The following RBFOX1 variants were observed in gnomAD, a reference collection of about 807,000 sequenced individuals.
RBFOX1 encodes RNA binding fox-1 homolog 1, also known as RNA binding protein fox-1 homolog 1.
A neutral mutation model predicts 57.7 loss-of-function variants in RBFOX1; 8 were observed. That is an observed-to-expected ratio of 0.14 (90% CI 0.08 to 0.25). The LOEUF (loss-of-function observed/expected upper bound fraction) is 0.25. Ranked by LOEUF, RBFOX1 falls within the 10% of genes least tolerant of loss-of-function variation. The pLI, the probability that RBFOX1 is intolerant of heterozygous loss-of-function variation, is 1.00. For synonymous variants in RBFOX1, 326 were observed against 222.4 expected (o/e 1.47, Z -4.15); for missense variants, 611 against 548.5 (o/e 1.11, Z -1.14).
intron 3 of RBFOX1, among the ~76,000 whole-genome samples, chr16:5,702,280 G>C (rs560524288): frequency 1.0e-3 from 153 of 152,258 alleles, no homozygotes; most frequent in Admixed American, 2.1e-3. Context: ...TTCACATGCC[G>C]GCAGGAGATA....
At position 6,839,533 on chromosome 16, in the gene RBFOX1, G is replaced by A. The variant is rs535609164; in HGVS notation, c.-16+184883G>A. 3.3e-5 allele frequency among the ~76,000 whole-genome samples: 5 copies of A among 152,290 alleles called. No homozygotes were observed. The South Asian group carries it at 1.0e-3, about 32-fold the overall frequency. On this transcript the variant is annotated intron_variant, in intron 3 of 15. Coordinates refer to ENST00000550418, the MANE Select transcript of RBFOX1 (RefSeq NM_018723.4). ...GGCCAAGTGAAATTTTAATCAGACA[G>A]ACAAGGAGGGTATCTGAGAACACTG...
chr16:5,675,643 C>A (rs1430115436), intron 3 of RBFOX1, among the ~76,000 whole-genome samples: 1 of 152,204 alleles, frequency 6.6e-6, no homozygotes, highest in Non-Finnish European at 1.5e-5. Context: ...CGCGTGTCAT[C>A]GTGCAGCCCG....
At chr16:5,902,059 A>G (rs977318262) in intron 4 of RBFOX1, among the ~76,000 whole-genome samples, 1 of 152,166 alleles carries the variant, frequency 6.6e-6, no homozygotes, top group Admixed American at 6.5e-5. Context: ...GGTTCAATGC[A>G]TGTTTCTTGA....
intron 2 of RBFOX1, among the ~76,000 whole-genome samples, chr16:6,387,748 T>A (rs1319165544): frequency 6.6e-6 from 1 of 152,106 alleles, no homozygotes; most frequent in Non-Finnish European, 1.5e-5. Flanking sequence ...CAGCCCAGAA[T>A]CCATGCCCCT....
At chr16:5,979,195 A>C (rs2060126707) in intron 4 of RBFOX1, among the ~76,000 whole-genome samples, 1 of 152,172 alleles carries the variant, frequency 6.6e-6, no homozygotes, top group Non-Finnish European at 1.5e-5. Context: ...GCCCCTGCTC[A>C]CCTGGTTCTT....
At chr16:5,331,228 G>A (rs1203242305) in intron 1 of RBFOX1, among the ~76,000 whole-genome samples, 3 of 152,190 alleles carry the variant, frequency 2.0e-5, no homozygotes, top group African/African-American at 4.8e-5. Flanking sequence ...GGCCCAGCTC[G>A]GGAAGGTTTG....
At chr16:7,065,250 C>G (rs1385965902) in intron 4 of RBFOX1, among the ~76,000 whole-genome samples, 2 of 152,144 alleles carry the variant, frequency 1.3e-5, no homozygotes, top group African/African-American at 2.4e-5. Context: ...ATCTAGCTTT[C>G]TTGTAGCGAA....
At chr16:5,381,924 T>C (rs1274041928) in intron 1 of RBFOX1, among the ~76,000 whole-genome samples, 1 of 152,216 alleles carries the variant, frequency 6.6e-6, no homozygotes, top group Non-Finnish European at 1.5e-5. Flanking sequence ...GATCATTCTT[T>C]GCTGTGGTGT....
At chr16:7,377,875 A>G (rs1320632912) in intron 4 of RBFOX1, among the ~76,000 whole-genome samples, 1 of 152,210 alleles carries the variant, frequency 6.6e-6, no homozygotes, top group Non-Finnish European at 1.5e-5. Flanking sequence ...GAAATAGCAA[A>G]TAGGAGATTG....
chr16:7,232,658 A>G (rs928139165), intron 4 of RBFOX1, among the ~76,000 whole-genome samples: 2 of 152,082 alleles, frequency 1.3e-5, no homozygotes, highest in South Asian at 4.1e-4. Context: ...CCTGACCAAC[A>G]TGGAGAAACC....
chr16:5,290,720 C>T (rs561984767), intron 1 of RBFOX1, among the ~76,000 whole-genome samples: 21 of 147,756 alleles, frequency 1.4e-4, no homozygotes, highest in African/African-American at 3.8e-4. Flanking sequence ...TTTTTTGAGA[C>T]GGAGTTTAGC....
chr16:7,370,527 C>G (rs1311883983), intron 4 of RBFOX1, among the ~76,000 whole-genome samples: 1 of 152,158 alleles, frequency 6.6e-6, no homozygotes, highest in African/African-American at 2.4e-5. Flanking sequence ...CCCCACGCTC[C>G]CTCCCCACTC....
rs1281321960 is a variant in RBFOX1, at chr16:5,862,826, C to A, written c.319-4477C>A. Among the ~76,000 whole-genome samples, 4 of 152,148 alleles carry A rather than the reference C, an allele frequency of 2.6e-5. No individual in the cohort carries two copies. The East Asian group carries it at 7.7e-4, about 29-fold the overall frequency. ...TTATACAGGGTAGCCCCACGCTGTT[C>A]AGCATGGAAGGCACACACCACATAC... On this transcript the variant is annotated intron_variant, in intron 3 of 19. Transcript: ENST00000641259.
chr16:7,060,421 G>A (rs1479017691), intron 4 of RBFOX1, among the ~76,000 whole-genome samples: 5 of 152,108 alleles, frequency 3.3e-5, no homozygotes, highest in African/African-American at 1.2e-4. Flanking sequence ...ATAAATGCAT[G>A]CACGTTCATA....
At chr16:6,751,632 G>A (rs1198620442) in intron 3 of RBFOX1, among the ~76,000 whole-genome samples, 1 of 152,162 alleles carries the variant, frequency 6.6e-6, no homozygotes, top group Non-Finnish European at 1.5e-5. Context: ...TGCATGAAAT[G>A]TCAAAGGAAG....
chr16:6,503,056 G>C (rs975223442), intron 2 of RBFOX1, among the ~76,000 whole-genome samples: 2 of 152,128 alleles, frequency 1.3e-5, no homozygotes, highest in African/African-American at 4.8e-5. Context: ...TATTTATAAA[G>C]ATTTAGACAT....
intron 4 of RBFOX1, among the ~76,000 whole-genome samples, chr16:7,372,800 GAA>G (rs983297986): frequency 1.3e-5 from 2 of 151,808 alleles, no homozygotes; most frequent in Non-Finnish European, 2.9e-5. Flanking sequence ...AGAGAAGGAG[GAA>G]AAGAGAAGAG....
chr16:7,037,154 G>A (rs949665337), intron 3 of RBFOX1, among the ~76,000 whole-genome samples: 5 of 150,830 alleles, frequency 3.3e-5, no homozygotes, highest in African/African-American at 1.2e-4. Flanking sequence ...CTTGTCTTGT[G>A]CTGACCTCCT....
chr16:5,467,299 G>T (rs545589857), intron 2 of RBFOX1: 1 of 1,447,118 alleles, frequency 6.9e-7, no homozygotes, highest in African/African-American at 1.4e-5. Flanking sequence ...GTGAAGTCTA[G>T]TGGAAATGAA....
Sources: gnomAD v4.1 joint callset for allele counts (sites outside exome capture counted in the v4.1 genomes callset) on GRCh38, gnomAD v4.1.1 for gene constraint, MANE v1.5 for transcripts, NCBI Gene and HGNC (gene_info 2026-07-23, HGNC 2026-07-21) for gene names.